Variants in SLC27A2 observed in about 807,000 individuals in gnomAD.
SLC27A2 encodes the protein long-chain fatty acid transport protein 2.
SLC27A2 carries 54 observed loss-of-function variants against 60.0 expected under a neutral mutation model. The observed-to-expected ratio is 0.90, with a 90% CI of 0.72 to 1.13. The LOEUF (loss-of-function observed/expected upper bound fraction) is 1.13, where lower values mean the gene tolerates loss of function less well. Ranked by LOEUF, SLC27A2 falls within the 50% of genes most tolerant of loss-of-function variation. SLC27A2 has a pLI of 0.00. For synonymous variants in SLC27A2, 297 were observed against 297.6 expected (o/e 1.00, Z 0.02); for missense variants, 739 against 777.6 (o/e 0.95, Z 0.59).
chr15:50,193,972 A>C (rs2044994137), intron 1 of SLC27A2, among the ~76,000 whole-genome samples: 1 of 152,112 alleles, frequency 6.6e-6, no homozygotes, highest in Admixed American at 6.5e-5. Context: ...CAGCCTGGGC[A>C]ACGTAGCGGG....
At chr15:50,208,971 T>C (rs1256836341) in intron 4 of SLC27A2, among the ~76,000 whole-genome samples, 2 of 152,184 alleles carry the variant, frequency 1.3e-5, no homozygotes, top group Non-Finnish European at 2.9e-5. Context: ...TCAGTGTTTC[T>C]TTCCTCCAGT....
At position 50,185,699 on chromosome 15, in the gene SLC27A2, G is replaced by A. The variant is rs568931856; in HGVS notation, c.478+2794G>A. Among the ~76,000 whole-genome samples the A allele has an allele frequency of 3.2e-4, 45 of 139,696 alleles. 2 individuals are homozygous for A. The South Asian group carries it at 9.6e-3, about 30-fold the overall frequency. 91.6% of individuals were successfully genotyped at this position (139,696 alleles called of 152,430 possible). ...GGCCAGGCTGCTGTGGCGTGATCTC[G>A]GCTCACTGCAAGCTCCACCTCCCTG... On this transcript the variant is annotated intron_variant, in intron 1 of 9. Transcript: ENST00000267842.
rs762551659 is a variant in SLC27A2 at position 50,228,986 on chromosome 15, C to T, written c.1499C>T (p.Thr500Ile). The T allele has an allele frequency of 6.2e-7, 1 of 1,614,052 alleles. No individual in the cohort carries two copies. The highest frequency in any genetic ancestry group is 8.5e-7 in the Non-Finnish European group (1 of 1,179,898). The part of the protein sequence containing the change: ...ENVATTEVAD[T>I]VGLVDFVQEV... ...GTGGCCACCACTGAAGTTGCTGATA[C>T]AGTTGGACTGGTTGATTTTGTCCAA... The change falls in exon 8 of 10, where the codon ACA becomes ATA. Residue 500 changes from threonine (T) to isoleucine (I), a missense_variant. By Grantham distance (89) the Thr-to-Ile change is moderately conservative. Coordinates refer to ENST00000267842, the MANE Select transcript of SLC27A2 (RefSeq NM_003645.4).
intron 7 of SLC27A2, among the ~76,000 whole-genome samples, chr15:50,228,701 C>G (rs1043476772): frequency 6.6e-6 from 1 of 152,146 alleles, no homozygotes; most frequent in African/African-American, 2.4e-5. Context: ...GAACATTATT[C>G]TGTGTATTGT....
intron 4 of SLC27A2, among the ~76,000 whole-genome samples, chr15:50,211,898 C>T (rs9672190): frequency 9.4e-5 from 14 of 148,362 alleles, no homozygotes; most frequent in African/African-American, 3.5e-4. Flanking sequence ...AGTGAAACCC[C>T]TTCTCTACTA....
rs763072900 is a variant in SLC27A2, at chr15:50,233,870, C to G, written c.1558C>G (p.His520Asp). 6.2e-7 allele frequency: 1 copy of G among 1,610,778 alleles called. No individual in the cohort carries two copies. Among genetic ancestry groups the G allele is most frequent in the East Asian group, 2.2e-5 (1 of 44,856 alleles). Reference protein sequence around the residue: ...VNVYGVHVPDHEGRIGMASIK... With the variant: ...VNVYGVHVPDDEGRIGMASIK... ...ATTTTTTCTCACTTTATTTCTAGAT[C>G]ATGAGGGTCGCATTGGCATGGCCTC... Residue 520 changes from histidine (H) to aspartate (D), a missense_variant and splice_region_variant, in exon 9 of 10, where the codon CAT (histidine) becomes GAT (aspartate). Coordinates refer to ENST00000267842, the MANE Select transcript of SLC27A2 (RefSeq NM_003645.4).
chr15:50,211,932 G>A (rs1006163861), intron 4 of SLC27A2, among the ~76,000 whole-genome samples: 1 of 151,542 alleles, frequency 6.6e-6, no homozygotes, highest in Non-Finnish European at 1.5e-5. Context: ...ATTAGCTGGA[G>A]TGGTGGCAGG....
At chr15:50,219,823 G>C (rs2045230406) in intron 4 of SLC27A2, among the ~76,000 whole-genome samples, 1 of 152,078 alleles carries the variant, frequency 6.6e-6, no homozygotes, top group African/African-American at 2.4e-5. Flanking sequence ...CTCCTCATCA[G>C]TCCCCCAGGT....
At chr15:50,195,539 G>A (rs1431321355) in intron 1 of SLC27A2, among the ~76,000 whole-genome samples, 1 of 151,860 alleles carries the variant, frequency 6.6e-6, no homozygotes, top group African/African-American at 2.4e-5. Flanking sequence ...TTTCCCCTAG[G>A]CATTAGCTTT....
At chr15:50,186,935 A>G (rs1330143342) in intron 1 of SLC27A2, among the ~76,000 whole-genome samples, 1 of 152,192 alleles carries the variant, frequency 6.6e-6, no homozygotes. Context: ...TTTGAGTTTC[A>G]GCCCAGGGCT....
intron 1 of SLC27A2, among the ~76,000 whole-genome samples, chr15:50,195,248 C>T (rs1216799810): frequency 3.5e-4 from 52 of 149,486 alleles, no homozygotes; most frequent in Admixed American, 3.4e-3. Context: ...GGGCGGATCA[C>T]GAGGTCAGGA....
At chr15:50,213,439 C>T (rs1281994912) in intron 4 of SLC27A2, among the ~76,000 whole-genome samples, 2 of 152,168 alleles carry the variant, frequency 1.3e-5, no homozygotes, top group Non-Finnish European at 2.9e-5. Flanking sequence ...TTAAACTATA[C>T]TTTGGAACAA....
At chr15:50,217,765 A>T (rs758188190) in intron 4 of SLC27A2, among the ~76,000 whole-genome samples, 19 of 152,102 alleles carry the variant, frequency 1.2e-4, no homozygotes, top group Non-Finnish European at 2.1e-4. Context: ...CAACTCAAAA[A>T]ACAGAAGAGG....
At chr15:50,214,795 G>A (rs6493416) in intron 4 of SLC27A2, among the ~76,000 whole-genome samples, 50,210 of 151,826 alleles carry the variant, frequency 0.33, 8,465 homozygotes, top group African/African-American at 0.39. Flanking sequence ...CAGCAAAATC[G>A]GCATACAAGG....
At chr15:50,222,933 C>T in intron 4 of SLC27A2, 32 bp from the exon 5 acceptor site, 1 of 1,537,592 alleles carries the variant, frequency 6.5e-7, no homozygotes, top group South Asian at 1.2e-5. Context: ...AGAGATGTTT[C>T]AGTTTGGTCT....
intron 4 of SLC27A2, among the ~76,000 whole-genome samples, chr15:50,216,588 A>G (rs2045196939): frequency 9.0e-6 from 1 of 111,414 alleles, no homozygotes; most frequent in Non-Finnish European, 2.1e-5. Context: ...GTGGATAAAG[A>G]AACTGTGGTG....
intron 8 of SLC27A2, among the ~76,000 whole-genome samples, chr15:50,233,431 G>C (rs894349011): frequency 6.6e-6 from 1 of 152,206 alleles, no homozygotes; most frequent in Non-Finnish European, 1.5e-5. Context: ...GTTTGTATAG[G>C]CTGCTAGAAA....
chr15:50,196,080 ATATATATATAT>A (rs564452598), intron 1 of SLC27A2, among the ~76,000 whole-genome samples: 100 of 7,790 alleles, frequency 0.013, 8 homozygotes, highest in Non-Finnish European at 0.014. Context: ...AAAAAAAAAT[ATATATATATAT>A]ATATATATAT....
intron 1 of SLC27A2, among the ~76,000 whole-genome samples, chr15:50,185,661 G>A (rs1424922134): frequency 3.4e-5 from 4 of 116,780 alleles, no homozygotes; most frequent in Admixed American, 2.4e-4. Context: ...ACGGAATCTC[G>A]CTCTTTCGCC....
Sources: allele counts gnomAD v4.1 joint callset (sites outside exome capture counted in the v4.1 genomes callset), GRCh38; gene constraint gnomAD v4.1.1; transcripts MANE v1.5; gene names NCBI Gene and HGNC (gene_info 2026-07-23, HGNC 2026-07-21).